Variants in ACSF2 observed in about 807,000 individuals in gnomAD.
ACSF2 encodes acyl-CoA synthetase family member 2, also known as medium-chain acyl-CoA ligase ACSF2, mitochondrial.
Under a neutral mutation model 79.3 loss-of-function variants are expected in ACSF2, and 52 were observed. The observed-to-expected ratio is 0.66, with a 90% CI of 0.53 to 0.83. The LOEUF is 0.83. Ranked by LOEUF, ACSF2 falls within the 40% of genes least tolerant of loss-of-function variation. The pLI, the probability that ACSF2 is intolerant of heterozygous loss-of-function variation, is 0.00. For missense variants in ACSF2, 661 were observed against 803.3 expected (o/e 0.82, Z 2.14); for synonymous variants, 283 against 312.6 (o/e 0.91, Z 1.00).
At position 50,466,822 on chromosome 17, in the gene ACSF2, C is replaced by T. The variant is rs142567738; in HGVS notation, c.1215+2528C>T. Among the ~76,000 whole-genome samples the T allele has an allele frequency of 2.2e-3, 329 of 152,362 alleles. 5 individuals are homozygous for T. Among genetic ancestry groups the T allele is most frequent in the African/African-American group, 7.4e-3 (306 of 41,572 alleles). ...CTGTCTGGCCTCCCCTGCCCCAAACCAGCCCCTAATTCGCTGCTCTGCTGC... is the reference window on the plus strand; with the variant it reads ...CTGTCTGGCCTCCCCTGCCCCAAACTAGCCCCTAATTCGCTGCTCTGCTGC... On this transcript the variant is annotated intron_variant, in intron 10 of 15. Transcript: ENST00000300441.
chr17:50,464,018 G>A (rs1184852132), intron 9 of ACSF2, 109 bp downstream of exon 9: 18 of 972,068 alleles, frequency 1.9e-5, no homozygotes, highest in Non-Finnish European at 2.9e-5. Flanking sequence ...GGGGCAAGAA[G>A]GACGCTGTAA....
chr17:50,456,605 G>T (rs1357766118), intron 1 of ACSF2, among the ~76,000 whole-genome samples: 3 of 152,090 alleles, frequency 2.0e-5, no homozygotes, highest in Non-Finnish European at 2.9e-5. Flanking sequence ...GGTGGCGCAT[G>T]CCTGTAATCC....
chr17:50,428,414 T>C (rs1598383088), intron 1 of ACSF2, among the ~76,000 whole-genome samples: 1 of 144,454 alleles, frequency 6.9e-6, no homozygotes, highest in Non-Finnish European at 1.5e-5. Context: ...TGGGAGGCGG[T>C]GGTTGTAGTG....
At chr17:50,438,227 A>G (rs1351000445) in intron 1 of ACSF2, among the ~76,000 whole-genome samples, 1 of 152,100 alleles carries the variant, frequency 6.6e-6, no homozygotes, top group Non-Finnish European at 1.5e-5. Context: ...TACCTAATAC[A>G]GTATCTACAC....
At chr17:50,469,368 TA>T (rs1469501603) in intron 10 of ACSF2, among the ~76,000 whole-genome samples, 23 of 152,250 alleles carry the variant, frequency 1.5e-4, no homozygotes, top group African/African-American at 5.3e-4. Flanking sequence ...GCCTGCGCTT[TA>T]AAGGGGCGCT....
At chr17:50,451,191 G>A (rs4794149) in intron 1 of ACSF2, among the ~76,000 whole-genome samples, 36,657 of 152,074 alleles carry the variant, frequency 0.24, 4,956 homozygotes, top group Non-Finnish European at 0.31. Flanking sequence ...CTCCCACCTT[G>A]GCTCAGAGAG....
chr17:50,435,595 T>A (rs1409986677), intron 1 of ACSF2, among the ~76,000 whole-genome samples: 1 of 94,460 alleles, frequency 1.1e-5, no homozygotes, highest in African/African-American at 5.5e-5. Flanking sequence ...AATTTTTTCA[T>A]AGAGATGGAT....
At chr17:50,458,021 A>G (rs2032115014) in intron 1 of ACSF2, among the ~76,000 whole-genome samples, 1 of 152,202 alleles carries the variant, frequency 6.6e-6, no homozygotes. Flanking sequence ...ATTCTTTGTG[A>G]GATCCTGAGA....
chr17:50,456,828 G>A (rs1172943966), intron 1 of ACSF2, among the ~76,000 whole-genome samples: 1 of 152,204 alleles, frequency 6.6e-6, no homozygotes, highest in East Asian at 1.9e-4. Flanking sequence ...GGGATGCCAA[G>A]GTGGGAGAAT....
rs1287015357 is a variant in ACSF2 at position 50,463,074 on chromosome 17, G to A, written c.793-82G>A. 4.4e-6 allele frequency: 5 copies of A among 1,141,302 alleles called. No individual in the cohort carries two copies. The highest frequency in any genetic ancestry group is 6.4e-6 in the Non-Finnish European group (5 of 775,270). The allele number at this position is 1,141,302 out of a possible 1,614,324, so 70.7% of individuals were successfully genotyped here. ...CAACAATCCCTGTCTCCTGATTCCC[G>A]GTCCCGTGCTCTTCAAGGCAGTGGC... On this transcript the variant is annotated intron_variant, in intron 6 of 15. Coordinates refer to ENST00000300441, the MANE Select transcript of ACSF2 (RefSeq NM_025149.6). This position sits in a 1 kb window ranked among gnomAD's most constrained non-coding sequence, Gnocchi z 4.6.
chr17:50,452,326 T>A (rs2031729531), intron 1 of ACSF2, among the ~76,000 whole-genome samples: 1 of 152,076 alleles, frequency 6.6e-6, no homozygotes, highest in South Asian at 2.1e-4. Flanking sequence ...CAAATCCCTT[T>A]AAGAATAGAA....
At chr17:50,442,033 G>T (rs371272194) in intron 1 of ACSF2, among the ~76,000 whole-genome samples, 1 of 151,958 alleles carries the variant, frequency 6.6e-6, no homozygotes, top group Non-Finnish European at 1.5e-5. Flanking sequence ...GGCTGGGCAC[G>T]GTGGCTCACA....
chr17:50,461,102 C>A (rs1207505540), intron 2 of ACSF2, 140 bp from the exon 3 acceptor site: 2 of 1,364,494 alleles, frequency 1.5e-6, no homozygotes, highest in East Asian at 2.5e-5. Context: ...CCAGGGCAGA[C>A]CCACTGAGGC....
chr17:50,433,319 C>A (rs2030109445), intron 1 of ACSF2, among the ~76,000 whole-genome samples: 1 of 152,028 alleles, frequency 6.6e-6, no homozygotes, highest in Non-Finnish European at 1.5e-5. Context: ...GTTGGCCAGG[C>A]TGGTCTCAAA....
At chr17:50,440,573 C>G (rs2030819653) in intron 1 of ACSF2, among the ~76,000 whole-genome samples, 1 of 152,250 alleles carries the variant, frequency 6.6e-6, no homozygotes, top group Admixed American at 6.5e-5. Flanking sequence ...CCTGTGGTCT[C>G]TACATGACCA....
intron 1 of ACSF2, chr17:50,426,835 A>G: frequency 2.0e-6 from 3 of 1,464,470 alleles, no homozygotes; most frequent in East Asian, 2.5e-5. Flanking sequence ...CTGTCTCCTC[A>G]TCAGCTGCTC....
At chr17:50,450,673 C>G in intron 1 of ACSF2, 1 of 158,940 alleles carries the variant, frequency 6.3e-6, no homozygotes, top group East Asian at 1.6e-4. Flanking sequence ...CCTGTATGTG[C>G]CTTCCACATT....
chr17:50,462,168 G>T lies in ACSF2; in HGVS notation c.508-16G>T. 6.2e-7 allele frequency: 1 copy of T among 1,611,460 alleles called. No individual in the cohort carries two copies. The highest frequency in any genetic ancestry group is 2.2e-5 in the East Asian group (1 of 44,848). On this transcript the variant is annotated splice_polypyrimidine_tract_variant and intron_variant, in intron 4 of 15. Coordinates refer to ENST00000300441, the MANE Select transcript of ACSF2 (RefSeq NM_025149.6). ...GGCTCCCCGCTGACTGGAGGTGGGG[G>T]ACTCCCCTTCCACAGGTGGGCTGCA...
At chr17:50,452,823 T>C (rs943671571) in intron 1 of ACSF2, among the ~76,000 whole-genome samples, 19 of 152,216 alleles carry the variant, frequency 1.2e-4, no homozygotes, top group Admixed American at 1.1e-3. Context: ...TATGAGCACA[T>C]TGCATTGATA....
Sources: gnomAD v4.1 joint callset for allele counts (sites outside exome capture counted in the v4.1 genomes callset) on GRCh38, gnomAD v4.1.1 for gene constraint, Gnocchi (gnomAD v3.1) non-coding constraint, MANE v1.5 for transcripts, NCBI Gene and HGNC (gene_info 2026-07-23, HGNC 2026-07-21) for gene names.